Variants in VKORC1L1 observed in about 807,000 individuals in gnomAD.
VKORC1L1 encodes vitamin K epoxide reductase complex subunit 1-like protein 1.
Under a neutral mutation model 18.9 loss-of-function variants are expected in VKORC1L1, and 2 were observed. That is an observed-to-expected ratio of 0.11 (90% CI 0.04 to 0.33). VKORC1L1 has a LOEUF of 0.33. Ranked by LOEUF, VKORC1L1 falls within the 10% of genes least tolerant of loss-of-function variation. VKORC1L1 has a pLI of 1.00. For synonymous variants in VKORC1L1, 96 were observed against 100.0 expected, an observed-to-expected ratio of 0.96 and a Z score of 0.24; for missense variants, 123 against 224.1, an observed-to-expected ratio of 0.55 and a Z score of 2.88.
At chr7:65,931,181 T>C (rs1789851029) in intron 1 of VKORC1L1, among the ~76,000 whole-genome samples, 1 of 151,982 alleles carries the variant, frequency 6.6e-6, no homozygotes, top group African/African-American at 2.4e-5. Flanking sequence ...TGGTCTGTGG[T>C]GGTTTTTTTT....
chr7:65,947,510 A>G (rs756665258), intron 1 of VKORC1L1, among the ~76,000 whole-genome samples: 1 of 151,170 alleles, frequency 6.6e-6, no homozygotes, highest in Admixed American at 6.6e-5. Context: ...AATGTTTGAT[A>G]TTTGTATCAA....
intron 1 of VKORC1L1, among the ~76,000 whole-genome samples, chr7:65,919,583 G>A (rs149339416): frequency 6.6e-6 from 1 of 152,034 alleles, no homozygotes; most frequent in African/African-American, 2.4e-5. Flanking sequence ...AGTCTTGGTG[G>A]CTCTACCTTC....
chr7:65,907,064 C>T (rs993198618), intron 1 of VKORC1L1, among the ~76,000 whole-genome samples: 3 of 151,994 alleles, frequency 2.0e-5, no homozygotes, highest in Non-Finnish European at 4.4e-5. Context: ...TATAATCAGC[C>T]CCAGTTTTAA....
intron 1 of VKORC1L1, among the ~76,000 whole-genome samples, chr7:65,914,524 C>A (rs1191356435): frequency 6.6e-6 from 1 of 152,198 alleles, no homozygotes; most frequent in Non-Finnish European, 1.5e-5. Flanking sequence ...ATGAAACTCA[C>A]CTCTTCCAGC....
intron 1 of VKORC1L1, among the ~76,000 whole-genome samples, chr7:65,924,326 G>A (rs1409533943): frequency 6.6e-6 from 1 of 152,168 alleles, no homozygotes; most frequent in African/African-American, 2.4e-5. Context: ...CCACTTAGCA[G>A]CAAACTCGTC....
chr7:65,909,040 T>C (rs62470893), intron 1 of VKORC1L1, among the ~76,000 whole-genome samples: 75,978 of 145,874 alleles, frequency 0.52, 20,504 homozygotes, highest in East Asian at 0.81. Context: ...GAGGCCGAGG[T>C]GGTTGGATCA....
chr7:65,898,217 G>A (rs13220979), intron 1 of VKORC1L1, among the ~76,000 whole-genome samples: 19,201 of 150,318 alleles, frequency 0.13, 1,368 homozygotes, highest in Middle Eastern at 0.21. Flanking sequence ...CCTCCCGAGT[G>A]TATGGGTTAC....
chr7:65,925,615 A>G (rs1789748838), intron 1 of VKORC1L1, among the ~76,000 whole-genome samples: 2 of 152,174 alleles, frequency 1.3e-5, no homozygotes, highest in South Asian at 4.1e-4. Context: ...AGGTGTTGGA[A>G]GCAGTAAGGG....
intron 1 of VKORC1L1, among the ~76,000 whole-genome samples, chr7:65,882,415 CA>C (rs34950335): frequency 0.54 from 67,066 of 123,908 alleles, 16,501 homozygotes; most frequent in East Asian, 0.72. Context: ...AGTAAAAAAG[CA>C]AAAAAAAAAA....
At chr7:65,870,354 T>C (rs1788711609), upstream of VKORC1L1, among the ~76,000 whole-genome samples, 1 of 150,978 alleles carries the variant, frequency 6.6e-6, no homozygotes, top group Non-Finnish European at 1.5e-5. Flanking sequence ...CACTTGAACA[T>C]GGGAGGTGGA....
chr7:65,941,390 C>T (rs920922900), intron 1 of VKORC1L1, among the ~76,000 whole-genome samples: 6 of 152,124 alleles, frequency 3.9e-5, no homozygotes, highest in African/African-American at 1.4e-4. Flanking sequence ...TGCTGGATTA[C>T]AGGCATGAGC....
chr7:65,929,144 C>T (rs1374325504), intron 1 of VKORC1L1, among the ~76,000 whole-genome samples: 1 of 152,154 alleles, frequency 6.6e-6, no homozygotes, highest in Non-Finnish European at 1.5e-5. Flanking sequence ...CATGGTAGCT[C>T]ACGCCTGTAA....
At chr7:65,926,744 T>C (rs572242509) in intron 1 of VKORC1L1, among the ~76,000 whole-genome samples, 1 of 152,284 alleles carries the variant, frequency 6.6e-6, no homozygotes, top group East Asian at 1.9e-4. Flanking sequence ...AAATGTGGTA[T>C]ATATACATCA....
At chr7:65,909,250 C>T (rs553562744) in intron 1 of VKORC1L1, among the ~76,000 whole-genome samples, 1 of 150,484 alleles carries the variant, frequency 6.6e-6, no homozygotes, top group South Asian at 2.1e-4. Flanking sequence ...TCCCAAATTG[C>T]TGGGATTGCA....
chr7:65,903,776 A>G (rs1218210475), intron 1 of VKORC1L1, among the ~76,000 whole-genome samples: 3 of 43,678 alleles, frequency 6.9e-5, no homozygotes, highest in Non-Finnish European at 5.9e-5. Context: ...CGTGTCTCAA[A>G]AAAAAAAAAA....
At chr7:65,906,943 G>T (rs766706495) in intron 1 of VKORC1L1, among the ~76,000 whole-genome samples, 7 of 152,102 alleles carry the variant, frequency 4.6e-5, no homozygotes, top group South Asian at 2.1e-4. Context: ...CTAATTATGG[G>T]TTTTTTCCTA....
At chr7:65,939,965 G>C (rs1489730080) in intron 1 of VKORC1L1, among the ~76,000 whole-genome samples, 1 of 152,010 alleles carries the variant, frequency 6.6e-6, no homozygotes, top group African/African-American at 2.4e-5. Flanking sequence ...GTAATAGTCT[G>C]ATCATGACGC....
chr7:65,899,456 C>G (rs1308708796), intron 1 of VKORC1L1, among the ~76,000 whole-genome samples: 3 of 152,090 alleles, frequency 2.0e-5, no homozygotes, highest in African/African-American at 7.2e-5. Context: ...ATTCTAGAGC[C>G]CTCTGCAGTA....
At chr7:65,941,720 A>G (rs1253233584) in intron 1 of VKORC1L1, among the ~76,000 whole-genome samples, 1 of 118,026 alleles carries the variant, frequency 8.5e-6, no homozygotes, top group Non-Finnish European at 1.6e-5. Flanking sequence ...TCTATCATCC[A>G]GGCTGGGGTG....
Sources: gnomAD v4.1 joint callset for allele counts (sites outside exome capture counted in the v4.1 genomes callset) on GRCh38, gnomAD v4.1.1 for gene constraint, MANE v1.5 for transcripts, NCBI Gene and HGNC (gene_info 2026-07-23, HGNC 2026-07-21) for gene names.